The following PLIN4 variants were observed in gnomAD, a reference collection of about 807,000 sequenced individuals.
PLIN4 encodes perilipin 4.
PLIN4 carries 57 observed loss-of-function variants against 52.4 expected under a neutral mutation model. The observed-to-expected ratio is 1.09, with a 90% CI of 0.88 to 1.36. The LOEUF (loss-of-function observed/expected upper bound fraction) is 1.36, where lower values mean the gene tolerates loss of function less well. Among genes scored for constraint, PLIN4 ranks in the 40% most tolerant of loss-of-function variants. PLIN4 has a pLI of 0.00. For synonymous variants in PLIN4, 826 were observed against 785.4 expected (o/e 1.05, Z -0.86); for missense variants, 1,757 against 1,770.3 (o/e 0.99, Z 0.13).
intron 6 of PLIN4, among the ~76,000 whole-genome samples, chr19:4,505,507 G>T (rs536336211): frequency 6.6e-6 from 1 of 152,152 alleles, no homozygotes; most frequent in Non-Finnish European, 1.5e-5. Context: ...AGTCCCTCCC[G>T]TCACATCTGC....
rs547026522 is a variant in PLIN4, at chr19:4,511,038, C to T, written c.2922G>A (p.Val974=). The change falls in exon 5 of 8, where the codon GTG becomes GTA. Residue 974 remains valine (V), a synonymous_variant. Coordinates refer to ENST00000301286, the MANE Select transcript of PLIN4 (RefSeq NM_001367868.2). ...CGCCGGTCTGCACGGTTCCTTTGGC[C>T]ACATTCACTGCCCCCGTGACTCCAG... ...VTTGVTGAVN[V]AKGTVQTGVD... 42 of 1,613,354 alleles carry T rather than the reference C, an allele frequency of 2.6e-5. No individual in the cohort carries two copies. The highest frequency in any genetic ancestry group is 3.3e-5 in the Admixed American group (2 of 60,004).
In PLIN4 at chr19:4,503,214, C is replaced by T. The variant is rs747201715; in HGVS notation, c.*1245G>A. The T allele has an allele frequency of 6.6e-6, 1 of 152,264 alleles. No homozygotes were observed. The highest frequency in any genetic ancestry group is 2.4e-5 in the African/African-American group (1 of 41,410). The allele number at this position is 152,264 out of a possible 1,614,324, so 9.4% of individuals were successfully genotyped here. A position where few individuals can be genotyped will look rare whatever the true frequency, so the allele number is the denominator to read the frequency against. ...CCCCTGGGTCTGGGGTTCCTGGGCT[C>T]GTGTCCTAGGAGAGCATGGAAAGGG... On this transcript the variant is annotated 3_prime_UTR_variant, in exon 8 of 8. Transcript: ENST00000301286.
At chr19:4,514,312 G>T (rs1033176564) in intron 4 of PLIN4, among the ~76,000 whole-genome samples, 1 of 151,990 alleles carries the variant, frequency 6.6e-6, no homozygotes, top group South Asian at 2.1e-4. Flanking sequence ...CTGGCTGGGC[G>T]GGGGGCACAC....
At chr19:4,517,719 T>A in intron 2 of PLIN4, 21 bp from the exon 3 acceptor site, 1 of 1,567,650 alleles carries the variant, frequency 6.4e-7, no homozygotes, top group Non-Finnish European at 8.6e-7. Flanking sequence ...GCGGGGGGTG[T>A]GCAGGATGAG....
In PLIN4 at chr19:4,512,800, C is replaced by T. The variant is rs1231146328; in HGVS notation, c.1160G>A (p.Gly387Glu). The change falls in exon 5 of 8, where the codon GGG becomes GAG. Residue 387 changes from glycine to glutamate, a missense_variant. Gly to Glu is a moderately conservative substitution (Grantham distance 98). Around this residue, in one of 7 missense-constraint regions of PLIN4, gnomAD observed 439 missense variants for 406.4 expected, o/e 1.08. Transcript: ENST00000301286. ...AVNLAKEAIQ[G>E]GLDTTKSMVM... Reference sequence around the variant, plus strand: ...CATAGACTTGGTGGTATCCAGGCCCCCCTGGATGGCCTCTTTGGCCAAGTT... The same window carrying T: ...CATAGACTTGGTGGTATCCAGGCCCTCCTGGATGGCCTCTTTGGCCAAGTT... 4.5e-6 allele frequency: 7 copies of T among 1,563,130 alleles called. No homozygotes were observed. In the East Asian group the frequency reaches 1.1e-4, roughly 25 times the overall value.
At chr19:4,507,688 C>T (rs1976136172) in intron 6 of PLIN4, among the ~76,000 whole-genome samples, 1 of 152,092 alleles carries the variant, frequency 6.6e-6, no homozygotes, top group South Asian at 2.1e-4. Context: ...GACCCTGTCT[C>T]ACTGTCTCCA....
chr19:4,513,765 T>G (rs1347238080), intron 4 of PLIN4, 64 bp from the exon 5 acceptor site: 4 of 1,497,244 alleles, frequency 2.7e-6, no homozygotes, highest in Non-Finnish European at 2.7e-6. Context: ...CCCCGATGTC[T>G]GCCAGCCCAG....
chr19:4,503,006 G>A lies in PLIN4; in HGVS notation c.*1453C>T, dbSNP rs1975970668. 6.6e-6 allele frequency: 1 copy of A among 152,260 alleles called. No homozygotes were observed. The highest frequency in any genetic ancestry group is 1.5e-5 in the Non-Finnish European group (1 of 68,100). 9.4% of individuals were successfully genotyped at this position (152,260 alleles called of 1,614,324 possible). A position where few individuals can be genotyped will look rare whatever the true frequency, so the allele number is the denominator to read the frequency against. ...TGTGTCTGGCATCCTAGCCTCCGAT[G>A]GCCATGGGTGTCGGGCTGAGGAGAA... is the stretch of plus-strand genomic sequence containing the variant. On this transcript the variant is annotated 3_prime_UTR_variant, in exon 8 of 8. Transcript: ENST00000301286.
intron 6 of PLIN4, among the ~76,000 whole-genome samples, chr19:4,505,512 A>G (rs1471203158): frequency 1.2e-4 from 18 of 152,084 alleles, no homozygotes; most frequent in Admixed American, 9.8e-4. Context: ...CTCCCGTCAC[A>G]TCTGCCCCTC....
rs1217239437 is a variant in PLIN4 at position 4,517,717 on chromosome 19, T to C, written c.52-19A>G. On this transcript the variant is annotated intron_variant, in intron 2 of 7. Coordinates refer to ENST00000301286, the MANE Select transcript of PLIN4 (RefSeq NM_001367868.2). ...CCAGGGTCTGCATGGGGGCGGGGGGTGTGCAGGATGAGCAGGCCAAGCCTC... is the reference window on the plus strand; with the variant it reads ...CCAGGGTCTGCATGGGGGCGGGGGGCGTGCAGGATGAGCAGGCCAAGCCTC... 2.6e-6 allele frequency: 4 copies of C among 1,566,200 alleles called. No homozygotes were observed. In the African/African-American group the frequency reaches 4.1e-5, roughly 16 times the overall value.
At position 4,512,059 on chromosome 19, in the gene PLIN4, A is replaced by T. The variant is rs765511277; in HGVS notation, c.1901T>A (p.Ile634Asn). Residue 634 changes from isoleucine (I) to asparagine (N), a missense_variant, in exon 5 of 8, where the codon ATC becomes AAC. Ile to Asn is a moderately radical substitution (Grantham distance 149). Around this residue, in one of 7 missense-constraint regions of PLIN4, gnomAD observed 439 missense variants for 406.4 expected, o/e 1.08. Coordinates refer to ENST00000301286, the MANE Select transcript of PLIN4 (RefSeq NM_001367868.2). ...CACGGCACTGGTGACCCCACTGTAG[A>T]TGGTGTCCTTGGTACCGGTTAGGAC... Reference protein sequence around the residue: ...KTVLTGTKDTIYSGVTSAVNV... With the variant: ...KTVLTGTKDTNYSGVTSAVNV... The T allele has an allele frequency of 6.2e-7, 1 of 1,611,218 alleles. No individual in the cohort carries two copies. The highest frequency in any genetic ancestry group is 2.2e-5 in the East Asian group (1 of 44,822).
At position 4,504,323 on chromosome 19, in the gene PLIN4, G is replaced by C; in HGVS notation, c.*136C>G. ...GTCACTGCCTCCGCAGCCCCTCGGC[G>C]CTCAGCCAGCTGCAGCCCCAAAGGT... On this transcript the variant is annotated 3_prime_UTR_variant, in exon 8 of 8. Transcript: ENST00000301286. The C allele has an allele frequency of 1.1e-6, 1 of 916,188 alleles. No individual in the cohort carries two copies. Among genetic ancestry groups the C allele is most frequent in the African/African-American group, 1.7e-5 (1 of 59,734 alleles). The allele number at this position is 916,188 out of a possible 1,614,324, so 56.8% of individuals were successfully genotyped here. A position where few individuals can be genotyped will look rare whatever the true frequency, so the allele number is the denominator to read the frequency against.
chr19:4,508,699 G>A, intron 6 of PLIN4, 69 bp downstream of exon 6: 1 of 1,452,442 alleles, frequency 6.9e-7, no homozygotes, highest in African/African-American at 1.4e-5. Flanking sequence ...ATCTGCAGCT[G>A]GGTGAGTCCT....
At chr19:4,508,325 T>C (rs1350827106) in intron 6 of PLIN4, among the ~76,000 whole-genome samples, 2 of 152,078 alleles carry the variant, frequency 1.3e-5, no homozygotes, top group East Asian at 3.9e-4. Context: ...GGCACCATCT[T>C]GGCTCACTGC....
intron 3 of PLIN4, 69 bp downstream of exon 3, chr19:4,517,485 C>T: frequency 1.3e-6 from 2 of 1,529,506 alleles, no homozygotes; most frequent in Non-Finnish European, 1.8e-6. Context: ...AAGTCCCTGC[C>T]CGGGGAGCTC....
intron 5 of PLIN4, among the ~76,000 whole-genome samples, chr19:4,509,312 A>AAAAAAAAAAAAAAACAAACAAAC (rs1568227909): frequency 4.7e-5 from 5 of 107,264 alleles, no homozygotes; most frequent in Admixed American, 1.8e-4. Flanking sequence ...CTCCGTCTCA[A>AAAAAAAAAAAAAAACAAACAAAC]AAAAAAAAAA....
chr19:4,505,782 G>C (rs560604991), intron 6 of PLIN4, among the ~76,000 whole-genome samples: 2 of 152,190 alleles, frequency 1.3e-5, no homozygotes, highest in South Asian at 4.2e-4. Context: ...CCTGAAGCCA[G>C]CTGCATATGC....
intron 6 of PLIN4, among the ~76,000 whole-genome samples, chr19:4,507,559 G>A (rs1976131854): frequency 6.6e-6 from 1 of 152,094 alleles, no homozygotes; most frequent in East Asian, 1.9e-4. Context: ...GCGTGGTGGT[G>A]CATGCCAGTT....
At chr19:4,517,806 T>C (rs1338669423) in intron 2 of PLIN4, 108 bp from the exon 3 acceptor site, 6 of 1,398,190 alleles carry the variant, frequency 4.3e-6, no homozygotes, top group Non-Finnish European at 5.7e-6. Flanking sequence ...CCCTTGCTCC[T>C]GGGTGACCTC....
Sources: allele counts gnomAD v4.1 joint callset (sites outside exome capture counted in the v4.1 genomes callset), GRCh38; gene constraint gnomAD v4.1.1; regional missense constraint gnomAD v4.1.1; transcripts MANE v1.5; gene names NCBI Gene and HGNC (gene_info 2026-07-23, HGNC 2026-07-21).